The following ATF7IP2 variants were observed in gnomAD, a reference collection of about 807,000 sequenced individuals.
The protein encoded by ATF7IP2 is activating transcription factor 7 interacting protein 2.
In ATF7IP2, 42 loss-of-function variants were observed where a neutral mutation model predicts 64.2. That is an observed-to-expected ratio of 0.65 (90% confidence interval 0.51 to 0.85). The LOEUF (loss-of-function observed/expected upper bound fraction) is 0.85. Among genes scored for constraint, ATF7IP2 ranks in the 40% least tolerant of loss-of-function variants. The pLI, the probability that ATF7IP2 is intolerant of heterozygous loss-of-function variation, is 0.00. For synonymous variants in ATF7IP2, 308 were observed against 272.8 expected, an observed-to-expected ratio of 1.13 and a Z score of -1.27; for missense variants, 933 against 784.2, an observed-to-expected ratio of 1.19 and a Z score of -2.27.
chr16:10,438,544 C>T (rs896470547), intron 7 of ATF7IP2, among the ~76,000 whole-genome samples: 9 of 151,942 alleles, frequency 5.9e-5, no homozygotes, highest in Non-Finnish European at 1.3e-4. Context: ...TGCGTCACCA[C>T]ACCTGGCCCA....
intron 3 of ATF7IP2, among the ~76,000 whole-genome samples, chr16:10,420,227 G>A (rs772537979): frequency 2.6e-5 from 4 of 152,148 alleles, no homozygotes; most frequent in Non-Finnish European, 4.4e-5. Flanking sequence ...GCCCATCACC[G>A]CAAAATACTG....
intron 1 of ATF7IP2, among the ~76,000 whole-genome samples, chr16:10,391,161 A>C (rs2047314142): frequency 6.6e-6 from 1 of 151,012 alleles, no homozygotes. Flanking sequence ...TGTCTCAAAA[A>C]AAAAAAAAAA....
intron 1 of ATF7IP2, among the ~76,000 whole-genome samples, chr16:10,399,677 CTT>C (rs1273052474): frequency 6.6e-6 from 1 of 152,138 alleles, no homozygotes; most frequent in South Asian, 2.1e-4. Flanking sequence ...TTTGGGCTCT[CTT>C]TTGGTTCCAT....
intron 9 of ATF7IP2, among the ~76,000 whole-genome samples, chr16:10,464,741 A>G (rs1345717412): frequency 6.6e-6 from 1 of 152,234 alleles, no homozygotes; most frequent in Non-Finnish European, 1.5e-5. Flanking sequence ...AAAGGGGGAC[A>G]GGAAGGAGTT....
chr16:10,450,872 T>G (rs550122525), intron 8 of ATF7IP2, among the ~76,000 whole-genome samples: 1 of 152,370 alleles, frequency 6.6e-6, no homozygotes, highest in East Asian at 1.9e-4. Flanking sequence ...GCTAGCTGGT[T>G]ATTTTGCCGG....
At chr16:10,437,929 A>C (rs1190107811) in intron 6 of ATF7IP2, among the ~76,000 whole-genome samples, 172 bp from the exon 7 acceptor site, 1 of 152,254 alleles carries the variant, frequency 6.6e-6, no homozygotes, top group African/African-American at 2.4e-5. Context: ...TGAGTTTAAT[A>C]TTCAAGTTTT....
Position 10,482,064 on chromosome 16 carries a change from A to C in ATF7IP2, c.1864A>C (p.Asn622His), listed in dbSNP as rs779985910. The C allele has an allele frequency of 1.2e-6, 2 of 1,613,888 alleles. No homozygotes were observed. Among genetic ancestry groups the C allele is most frequent in the Non-Finnish European group, 1.7e-6 (2 of 1,179,912 alleles). Residue 622 changes from asparagine (N) to histidine (H), a missense_variant, in exon 14 of 14, where the codon AAT becomes CAT. Coordinates refer to ENST00000562102, the MANE Select transcript of ATF7IP2 (RefSeq NM_001393719.1). ...HLFLCHENSNNKLIWKKIGEI... is the reference protein window; with the variant it reads ...HLFLCHENSNHKLIWKKIGEI... ...CTTCCTGTGTCATGAGAACTCTAAT[A>C]ATAAGTTGATTTGGAAGAAGATTGG...
intron 1 of ATF7IP2, chr16:10,386,577 G>A (rs1459539538): frequency 6.6e-6 from 1 of 152,108 alleles, no homozygotes; most frequent in Non-Finnish European, 1.5e-5. Flanking sequence ...ATGAAGTCAG[G>A]TGCCAGAAGG....
Position 10,398,842 on chromosome 16 carries a change from G to T in ATF7IP2, c.-242+12720G>T, listed in dbSNP as rs545816472. On this transcript the variant is annotated intron_variant, in intron 1 of 13. Coordinates refer to ENST00000562102, the MANE Select transcript of ATF7IP2 (RefSeq NM_001393719.1). ...ATGTTCAAGAGATCTGGCCAGATGT[G>T]GTGGCTCACTCCTGTAATCCCACCA... 3.3e-5 allele frequency among the ~76,000 whole-genome samples: 5 copies of T among 152,282 alleles called. 1 individual carries two copies. Among genetic ancestry groups the T allele is most frequent in the African/African-American group, 1.2e-4 (5 of 41,552 alleles).
At chr16:10,427,672 A>G (rs2048111869) in intron 3 of ATF7IP2, among the ~76,000 whole-genome samples, 1 of 152,170 alleles carries the variant, frequency 6.6e-6, no homozygotes, top group Admixed American at 6.5e-5. Flanking sequence ...CGTGGGCAAC[A>G]TAGTAAGACC....
chr16:10,396,761 G>A (rs928171284), intron 1 of ATF7IP2, among the ~76,000 whole-genome samples: 2 of 151,786 alleles, frequency 1.3e-5, no homozygotes, highest in African/African-American at 4.8e-5. Context: ...TGATGCTCCT[G>A]CTTCAGCTTG....
intron 1 of ATF7IP2, among the ~76,000 whole-genome samples, chr16:10,412,960 T>C (rs1456632693): frequency 6.6e-6 from 1 of 152,228 alleles, no homozygotes; most frequent in Non-Finnish European, 1.5e-5. Context: ...GTTTGTTTTA[T>C]CTGATATAAG....
intron 2 of ATF7IP2, among the ~76,000 whole-genome samples, chr16:10,416,062 A>G (rs1415642119): frequency 6.6e-6 from 1 of 152,210 alleles, no homozygotes; most frequent in Non-Finnish European, 1.5e-5. Context: ...AAAACTAAAA[A>G]TAGAGCTACC....
At chr16:10,476,072 A>C (rs1204340332) in intron 12 of ATF7IP2, among the ~76,000 whole-genome samples, 2 of 152,204 alleles carry the variant, frequency 1.3e-5, no homozygotes, top group African/African-American at 4.8e-5. Context: ...ATTTGCTAGG[A>C]TATTTTAAAT....
At chr16:10,452,509 G>C (rs973486842) in intron 8 of ATF7IP2, among the ~76,000 whole-genome samples, 1 of 152,196 alleles carries the variant, frequency 6.6e-6, no homozygotes, top group Non-Finnish European at 1.5e-5. Context: ...ACAGATGCCA[G>C]CCAGAGCTCT....
chr16:10,433,004 A>G (rs1294529970), intron 5 of ATF7IP2, among the ~76,000 whole-genome samples: 1 of 152,208 alleles, frequency 6.6e-6, no homozygotes, highest in Non-Finnish European at 1.5e-5. Context: ...ATTAAGTAAG[A>G]TTAAAGGGAC....
At chr16:10,451,849 C>G (rs891999979) in intron 8 of ATF7IP2, among the ~76,000 whole-genome samples, 1 of 151,952 alleles carries the variant, frequency 6.6e-6, no homozygotes, top group Non-Finnish European at 1.5e-5. Flanking sequence ...GTCAAAAGTT[C>G]AAGACCACCC....
At chr16:10,412,010 G>GGT (rs1476575065) in intron 1 of ATF7IP2, among the ~76,000 whole-genome samples, 1,119 of 58,174 alleles carry the variant, frequency 0.019, 101 homozygotes, top group African/African-American at 0.048. Flanking sequence ...ATCTTTTTTT[G>GGT]TTTTTTTTTT....
At chr16:10,453,943 C>A (rs2049077793) in intron 8 of ATF7IP2, 2 of 152,036 alleles carry the variant, frequency 1.3e-5, no homozygotes, top group Admixed American at 1.3e-4. Context: ...GCCTGGCCCA[C>A]AGCTTTCTTC....
Sources: gnomAD v4.1 joint callset for allele counts (sites outside exome capture counted in the v4.1 genomes callset) on GRCh38, gnomAD v4.1.1 for gene constraint, MANE v1.5 for transcripts, NCBI Gene and HGNC (gene_info 2026-07-23, HGNC 2026-07-21) for gene names.